The following BCKDHB variants were observed in gnomAD, a reference collection of about 807,000 sequenced individuals.
BCKDHB encodes 2-oxoisovalerate dehydrogenase subunit beta, mitochondrial.
Under a neutral mutation model 48.5 loss-of-function variants are expected in BCKDHB, and 41 were observed. The ratio of observed to expected loss-of-function variants is 0.85; its 90% CI spans 0.66 to 1.10. The LOEUF (loss-of-function observed/expected upper bound fraction) is 1.10, where lower values mean the gene tolerates loss of function less well. BCKDHB is among the 50% of genes least tolerant of loss of function. BCKDHB has a pLI of 0.00. For synonymous variants in BCKDHB, 201 were observed against 174.8 expected, an observed-to-expected ratio of 1.15 and a Z score of -1.18; for missense variants, 496 against 494.2, an observed-to-expected ratio of 1.00 and a Z score of -0.03.
chr6:80,127,495 GT>G, intron 1 of BCKDHB, 51 bp from the exon 2 acceptor site: 3 of 1,439,810 alleles, frequency 2.1e-6, no homozygotes, highest in Non-Finnish European at 2.9e-6. Context: ...GAAACTGGTT[GT>G]TTTTATGTAT....
At chr6:80,138,443 G>T (rs916771159) in intron 3 of BCKDHB, among the ~76,000 whole-genome samples, 1 of 150,944 alleles carries the variant, frequency 6.6e-6, no homozygotes, top group Non-Finnish European at 1.5e-5. Flanking sequence ...TTCCTCCCCC[G>T]TCCCCCAACC....
intron 9 of BCKDHB, among the ~76,000 whole-genome samples, chr6:80,320,230 A>G (rs1233117797): frequency 1.3e-5 from 2 of 152,194 alleles, no homozygotes; most frequent in Non-Finnish European, 2.9e-5. Context: ...TATAATGTAC[A>G]TAGACAAATA....
chr6:80,397,681 A>G, the BCKDHB span, among the ~76,000 whole-genome samples: 14,348 of 152,200 alleles, frequency 0.094, 1,922 homozygotes, highest in African/African-American at 0.29. Flanking sequence ...CAGGAGTTTG[A>G]GACCAGCTTG....
At chr6:80,256,392 A>G (rs1211395379) in intron 8 of BCKDHB, among the ~76,000 whole-genome samples, 1 of 152,170 alleles carries the variant, frequency 6.6e-6, no homozygotes, top group Admixed American at 6.5e-5. Context: ...TGTACTGAAT[A>G]TTGTAGGCAG....
chr6:80,346,440 A>G (rs1007384843), downstream of BCKDHB, among the ~76,000 whole-genome samples: 16 of 152,164 alleles, frequency 1.1e-4, no homozygotes, highest in African/African-American at 3.9e-4. Flanking sequence ...CAGGATGGTT[A>G]TATGTTGACA....
At chr6:80,235,718 G>A (rs923554801) in intron 8 of BCKDHB, among the ~76,000 whole-genome samples, 4 of 152,186 alleles carry the variant, frequency 2.6e-5, no homozygotes, top group Non-Finnish European at 5.9e-5. Flanking sequence ...AATTCTCCTT[G>A]CAGTTGCTTG....
At chr6:80,171,189 A>G in intron 5 of BCKDHB, 93 bp from the exon 6 acceptor site, 1 of 711,742 alleles carries the variant, frequency 1.4e-6, no homozygotes, top group Non-Finnish European at 2.5e-6. Flanking sequence ...TTAATTAGTA[A>G]CAATTGATTA....
At chr6:80,402,156 A>G in the BCKDHB span, among the ~76,000 whole-genome samples, 2 of 151,832 alleles carry the variant, frequency 1.3e-5, no homozygotes, top group Admixed American at 1.3e-4. Context: ...ACTGAATCAT[A>G]TAGTAGTTCT....
chr6:80,140,351 G>A (rs1184561797), intron 3 of BCKDHB, among the ~76,000 whole-genome samples: 1 of 152,224 alleles, frequency 6.6e-6, no homozygotes, highest in Non-Finnish European at 1.5e-5. Flanking sequence ...TTGAACAGGA[G>A]TGGTGAGAGA....
chr6:80,119,820 A>T (rs1769907013), intron 1 of BCKDHB, among the ~76,000 whole-genome samples: 2 of 152,116 alleles, frequency 1.3e-5, no homozygotes, highest in South Asian at 4.1e-4. Flanking sequence ...GAGGCACAGA[A>T]TTGATGTATT....
the BCKDHB span, chr6:80,463,168 T>G: frequency 6.6e-6 from 1 of 152,220 alleles, no homozygotes; most frequent in Non-Finnish European, 1.5e-5. Context: ...CTGTTATGAA[T>G]TGTGGTTTTG....
chr6:80,216,308 C>T (rs1007930290), intron 8 of BCKDHB, among the ~76,000 whole-genome samples: 1 of 152,148 alleles, frequency 6.6e-6, no homozygotes, highest in Non-Finnish European at 1.5e-5. Flanking sequence ...TAAATGTCAG[C>T]TTAGAACATA....
chr6:80,195,770 G>T (rs1774102781), intron 6 of BCKDHB, among the ~76,000 whole-genome samples: 1 of 152,116 alleles, frequency 6.6e-6, no homozygotes, highest in Non-Finnish European at 1.5e-5. Flanking sequence ...CCAGAATTGG[G>T]TTTCTGGTTG....
At chr6:80,241,610 C>T (rs966923355) in intron 8 of BCKDHB, among the ~76,000 whole-genome samples, 2 of 152,174 alleles carry the variant, frequency 1.3e-5, no homozygotes, top group African/African-American at 4.8e-5. Context: ...TATTGCAGAA[C>T]AGCAATTTTT....
the BCKDHB span, among the ~76,000 whole-genome samples, chr6:80,366,145 G>A: frequency 6.6e-6 from 1 of 152,156 alleles, no homozygotes; most frequent in African/African-American, 2.4e-5. Flanking sequence ...CCTGTTGTTT[G>A]GCACTGAGCT....
chr6:80,165,547 C>A lies in BCKDHB; in HGVS notation c.344-2131C>A, dbSNP rs1203581086. Among the ~76,000 whole-genome samples, 3 of 152,160 alleles carry A rather than the reference C, an allele frequency of 2.0e-5. No individual in the cohort carries two copies. In the South Asian group the frequency reaches 6.2e-4, roughly 32 times the overall value. On this transcript the variant is annotated intron_variant, in intron 3 of 9. Coordinates refer to ENST00000320393, the MANE Select transcript of BCKDHB (RefSeq NM_183050.4). ...GATTATGGAAGTGAAATATGAATAC[C>A]AGGTTTCTCCCAAAACATTTGGTTA...
rs184337141 is a variant in BCKDHB, at chr6:80,187,527, A to G, written c.743-13407A>G. On this transcript the variant is annotated intron_variant, in intron 6 of 9. Coordinates refer to ENST00000320393, the MANE Select transcript of BCKDHB (RefSeq NM_183050.4). ...TTTCAGAGTTAGTCTAAAACTACCA[A>G]CAGAGTAAACAGGCAACCTATAGAA... Among the ~76,000 whole-genome samples the G allele has an allele frequency of 2.7e-3, 413 of 152,254 alleles. 2 individuals carry two copies. Among genetic ancestry groups the G allele is most frequent in the African/African-American group, 9.2e-3 (382 of 41,554 alleles).
At chr6:80,280,098 G>A (rs190915479) in intron 9 of BCKDHB, among the ~76,000 whole-genome samples, 46 of 152,300 alleles carry the variant, frequency 3.0e-4, no homozygotes, top group Middle Eastern at 6.8e-3. Context: ...TAAGGTAAGC[G>A]TTGACAAGTA....
rs532946857 is a variant in BCKDHB, at chr6:80,325,394, A to G, written c.1039-18270A>G. ...TATTTTATAGAAAAATGTAATTGCTAGGTATGTCATTTAAGACCCTGCAAT... is the reference window on the plus strand; with the variant it reads ...TATTTTATAGAAAAATGTAATTGCTGGGTATGTCATTTAAGACCCTGCAAT... On this transcript the variant is annotated intron_variant, in intron 9 of 9. Transcript: ENST00000320393. 9.8e-5 allele frequency among the ~76,000 whole-genome samples: 15 copies of G among 152,310 alleles called. No individual in the cohort carries two copies. In the South Asian group the frequency reaches 2.7e-3, roughly 27 times the overall value.
Sources: gnomAD v4.1 joint callset for allele counts (sites outside exome capture counted in the v4.1 genomes callset) on GRCh38, gnomAD v4.1.1 for gene constraint, MANE v1.5 for transcripts, NCBI Gene and HGNC (gene_info 2026-07-23, HGNC 2026-07-21) for gene names.